Variants in WASHC2A observed in about 807,000 individuals in gnomAD.
The protein encoded by WASHC2A is WASH complex subunit 2A.
WASHC2A carries 82 observed loss-of-function variants against 140.3 expected under a neutral mutation model. That is an observed-to-expected ratio of 0.58 (90% CI 0.49 to 0.70). The LOEUF (loss-of-function observed/expected upper bound fraction) is 0.70. WASHC2A is among the 30% of genes least tolerant of loss of function. WASHC2A has a pLI of 0.00. For missense variants in WASHC2A, 985 were observed against 1,521.8 expected, an observed-to-expected ratio of 0.65 and a Z score of 5.87; for synonymous variants, 340 against 560.8, an observed-to-expected ratio of 0.61 and a Z score of 5.56.
rs1161994849 is a variant in WASHC2A, at chr10:50,091,447, C to T, written c.860C>T (p.Thr287Ile). 6.5e-6 allele frequency: 10 copies of T among 1,550,134 alleles called. No individual in the cohort carries two copies. In the East Asian group the frequency reaches 2.4e-4, roughly 38 times the overall value. Residue 287 changes from threonine (T) to isoleucine (I), a missense_variant, in exon 10 of 31, where the codon ACA becomes ATA. Coordinates refer to ENST00000282633, the MANE Select transcript of WASHC2A (RefSeq NM_001005751.3). ...CTGCTGTAGAAAAGAAGCAGACCTACATCGTTTGCAGATGAGCTGGCTGCC... is the reference window on the plus strand; with the variant it reads ...CTGCTGTAGAAAAGAAGCAGACCTATATCGTTTGCAGATGAGCTGGCTGCC... ...ENTRPKRSRP[T>I]SFADELAARI...
At chr10:50,087,372 A>G (rs1554881373) in intron 8 of WASHC2A, 50 bp downstream of exon 8, 4 of 1,609,720 alleles carry the variant, frequency 2.5e-6, no homozygotes, top group Admixed American at 3.3e-5. Context: ...TAATTGAAGC[A>G]TAGTATATAT....
chr10:50,078,547 C>T, intron 3 of WASHC2A, 128 bp from the exon 4 acceptor site: 3 of 1,598,884 alleles, frequency 1.9e-6, no homozygotes, highest in Non-Finnish European at 1.7e-6. Flanking sequence ...TGGTAGTGGT[C>T]TCAGCCCTTT....
Position 50,068,105 on chromosome 10 carries a change from A to G in WASHC2A, c.4A>G (p.Met2Val), listed in dbSNP as rs782043286. 6.2e-6 allele frequency: 10 copies of G among 1,607,682 alleles called. No individual in the cohort carries two copies. In the African/African-American group the frequency reaches 1.1e-4, roughly 17 times the overall value. The change falls in exon 2 of 31, where the codon ATG becomes GTG. Residue 2 changes from methionine (M) to valine (V), a missense_variant and splice_region_variant. Coordinates refer to ENST00000282633, the MANE Select transcript of WASHC2A (RefSeq NM_001005751.3). The part of the protein sequence containing the change: M[M>V]NRTTPDQELA... ...TCTCTTCTCGTTTTTTTCGCTGCAG[A>G]TGAACCGGACGACCCCCGACCAGGA...
At chr10:50,095,421 G>C (rs1840383937) in intron 14 of WASHC2A, among the ~76,000 whole-genome samples, 178 bp from the exon 15 acceptor site, 1 of 152,164 alleles carries the variant, frequency 6.6e-6, no homozygotes, top group Admixed American at 6.5e-5. Context: ...GAGCTGACCT[G>C]GTGATTCTCC....
In WASHC2A at chr10:50,081,903, G is replaced by A. The variant is rs567348538; in HGVS notation, c.528+972G>A. ...CTGCCTTGGCCTCCCAAAGTGCTGG[G>A]ATTACAGACATGAGCCACCGCACCC... On this transcript the variant is annotated intron_variant, in intron 5 of 30. Transcript: ENST00000282633. Among the ~76,000 whole-genome samples, 504 of 152,224 alleles carry A rather than the reference G, an allele frequency of 3.3e-3. 4 individuals carry two copies. The highest frequency in any genetic ancestry group is 0.011 in the African/African-American group (463 of 41,520).
rs1843345041 is a variant in WASHC2A, at chr10:50,125,391, G to C, written c.2630G>C (p.Ser877Thr). Residue 877 changes from serine (S) to threonine (T), a missense_variant, in exon 25 of 31, where the codon AGC becomes ACC. Coordinates refer to ENST00000282633, the MANE Select transcript of WASHC2A (RefSeq NM_001005751.3). ...TAGCTGTTAGAGCCAAGTGTTGGGA[G>C]CCTGTTTGGGGATGATGAAGATGAT... ...KTKLLEPSVG[S>T]LFGDDEDDDL... 1 of 1,607,276 alleles carries C rather than the reference G, an allele frequency of 6.2e-7. No homozygotes were observed. The highest frequency in any genetic ancestry group is 1.3e-5 in the African/African-American group (1 of 74,180).
rs1210204220 is a variant in WASHC2A, at chr10:50,088,958, C to CTTTT, written c.732+1657_732+1660dup. The stretch of plus-strand genomic sequence containing the variant: ...TGTAAATGCAAACAGTTTTTCTTTC[C>CTTTT]TTTTTTTTTTTTTTTTTTTTTTTTG... On this transcript the variant is annotated intron_variant, in intron 8 of 30. Coordinates refer to ENST00000282633, the MANE Select transcript of WASHC2A (RefSeq NM_001005751.3). Among the ~76,000 whole-genome samples the CTTTT allele has an allele frequency of 1.5e-3, 63 of 41,376 alleles. 2 individuals carry two copies. Among genetic ancestry groups the CTTTT allele is most frequent in the Non-Finnish European group, 2.2e-3 (49 of 22,052 alleles). The allele number at this position is 41,376 out of a possible 152,430, so 27.1% of individuals were successfully genotyped here. A position where few individuals can be genotyped will look rare whatever the true frequency, so the allele number is the denominator to read the frequency against.
At chr10:50,104,172 A>G in intron 18 of WASHC2A, 29 bp downstream of exon 18, 1 of 1,546,236 alleles carries the variant, frequency 6.5e-7, no homozygotes, top group South Asian at 1.1e-5. Context: ...ACACTAGATA[A>G]TTTAGATTAG....
Position 50,127,073 on chromosome 10 carries a change from C to T in WASHC2A, c.2812-87C>T, listed in dbSNP as rs1270645745. 4.2e-6 allele frequency: 6 copies of T among 1,443,074 alleles called. No homozygotes were observed. In the South Asian group the frequency reaches 4.6e-5, roughly 11 times the overall value. The allele number at this position is 1,443,074 out of a possible 1,614,324, so 89.4% of individuals were successfully genotyped here. A position where few individuals can be genotyped will look rare whatever the true frequency, so the allele number is the denominator to read the frequency against. On this transcript the variant is annotated intron_variant, in intron 26 of 30. Coordinates refer to ENST00000282633, the MANE Select transcript of WASHC2A (RefSeq NM_001005751.3). ...AGAGCTACAGAAAGTGACAGTTTTG[C>T]TCCATCACAGATTTATTTACAGGCA... is the stretch of plus-strand genomic sequence containing the variant.
chr10:50,074,570 G>T (rs1554877159), intron 3 of WASHC2A, among the ~76,000 whole-genome samples: 1 of 151,972 alleles, frequency 6.6e-6, no homozygotes, highest in Non-Finnish European at 1.5e-5. Context: ...GCCTCTCAAG[G>T]TTTAGCACAT....
intron 16 of WASHC2A, among the ~76,000 whole-genome samples, chr10:50,099,514 C>T (rs1338504885): frequency 6.6e-6 from 1 of 151,340 alleles, no homozygotes; most frequent in African/African-American, 2.4e-5. Context: ...TGCATTTGGC[C>T]AGTGTGTGTG....
At chr10:50,091,357 T>C (rs1839908025) in intron 9 of WASHC2A, 74 bp from the exon 10 acceptor site, 2 of 1,500,620 alleles carry the variant, frequency 1.3e-6, no homozygotes, top group Non-Finnish European at 1.8e-6. Flanking sequence ...GTATACATAA[T>C]GTTGTTAGGT....
chr10:50,104,081 G>C lies in WASHC2A; in HGVS notation c.1675G>C (p.Ala559Pro), dbSNP rs1564785030. ...SSQSASKLKG[A>P]SLLPGKLPTL... ...TCAAAGTGCGAGTAAGTTAAAAGGT[G>C]CGTCTCTGCTGCCTGGCAAGCTCCC... The change falls in exon 18 of 31, where the codon GCG becomes CCG. Residue 559 changes from alanine to proline, a missense_variant. Physicochemically the swap from Ala to Pro is conservative, Grantham distance 27. Coordinates refer to ENST00000282633, the MANE Select transcript of WASHC2A (RefSeq NM_001005751.3). 1 of 1,474,596 alleles carries C rather than the reference G, an allele frequency of 6.8e-7. No homozygotes were observed. Among genetic ancestry groups the C allele is most frequent in the East Asian group, 2.2e-5 (1 of 44,848 alleles). The allele number at this position is 1,474,596 out of a possible 1,614,324, so 91.3% of individuals were successfully genotyped here.
intron 19 of WASHC2A, among the ~76,000 whole-genome samples, chr10:50,106,667 A>G (rs1841813029): frequency 7.0e-6 from 1 of 143,640 alleles, no homozygotes; most frequent in African/African-American, 2.5e-5. Flanking sequence ...ATGGTTAGGA[A>G]TAGGTATGAC....
chr10:50,132,949 A>T lies in WASHC2A; in HGVS notation c.*4A>T, dbSNP rs1394187029. 1 of 1,611,920 alleles carries T rather than the reference A, an allele frequency of 6.2e-7. No homozygotes were observed. The highest frequency in any genetic ancestry group is 8.5e-7 in the Non-Finnish European group (1 of 1,179,866). Reference sequence around the variant, plus strand: ...GAATGCCTTTGGAGGCCAGTAGAGCACACAGGGTATCCACATGTTACCCTG... The same window carrying T: ...GAATGCCTTTGGAGGCCAGTAGAGCTCACAGGGTATCCACATGTTACCCTG... On this transcript the variant is annotated 3_prime_UTR_variant, in exon 31 of 31. Coordinates refer to ENST00000282633, the MANE Select transcript of WASHC2A (RefSeq NM_001005751.3).
intron 18 of WASHC2A, among the ~76,000 whole-genome samples, chr10:50,105,973 G>A (rs1401286081): frequency 3.3e-5 from 5 of 152,062 alleles, no homozygotes; most frequent in South Asian, 2.1e-4. Context: ...TGGCTGCTGC[G>A]GGGGCTCCCG....
chr10:50,116,748 G>A (rs1842716084), intron 21 of WASHC2A, among the ~76,000 whole-genome samples: 1 of 150,918 alleles, frequency 6.6e-6, no homozygotes, highest in South Asian at 2.1e-4. Flanking sequence ...TAAGTTCAAT[G>A]GTTTTGCACT....
At chr10:50,099,530 A>C (rs1295799942) in intron 16 of WASHC2A, among the ~76,000 whole-genome samples, 23 of 151,210 alleles carry the variant, frequency 1.5e-4, no homozygotes, top group African/African-American at 5.4e-4. Flanking sequence ...GTGTGTCCCC[A>C]GCAGTCTTTA....
Position 50,093,901 on chromosome 10 carries a change from A to T in WASHC2A, c.1164A>T (p.Gly388=). Residue 388 remains glycine, a synonymous_variant, in exon 13 of 31, where the codon GGA becomes GGT. Coordinates refer to ENST00000282633, the MANE Select transcript of WASHC2A (RefSeq NM_001005751.3). ...AAGCCCCCCAGGATCGGCAAGCTGG[A>T]GCCTCTGTTAAGGAGGGTAAGCTGG... The part of the protein sequence containing the change: ...FTEAPQDRQA[G]ASVKEESSSS... 1 of 1,608,426 alleles carries T rather than the reference A, an allele frequency of 6.2e-7. No individual in the cohort carries two copies. The highest frequency in any genetic ancestry group is 8.5e-7 in the Non-Finnish European group (1 of 1,176,802).
Sources: allele counts gnomAD v4.1 joint callset (sites outside exome capture counted in the v4.1 genomes callset), GRCh38; gene constraint gnomAD v4.1.1; transcripts MANE v1.5; gene names NCBI Gene and HGNC (gene_info 2026-07-23, HGNC 2026-07-21).